VAPB: variants seen among roughly 807,000 people sequenced by gnomAD.
VAPB encodes VAMP associated protein B and C, also known as vesicle-associated membrane protein-associated protein B/C.
A neutral mutation model predicts 25.6 loss-of-function variants in VAPB; 7 were observed. The ratio of observed to expected loss-of-function variants is 0.27; its 90% confidence interval spans 0.16 to 0.51. The LOEUF is 0.51. Ranked by LOEUF, VAPB falls within the 20% of genes least tolerant of loss-of-function variation. The pLI is 0.97. For missense variants in VAPB, 266 were observed against 301.3 expected (o/e 0.88, Z 0.87); for synonymous variants, 112 against 109.2 (o/e 1.03, Z -0.16).
Position 58,447,322 on chromosome 20 carries a change from TCTC to T in VAPB, c.*3093_*3095del, listed in dbSNP as rs767248778. The T allele has an allele frequency of 4.4e-6, 2 of 454,004 alleles. No homozygotes were observed. Among genetic ancestry groups the T allele is most frequent in the Admixed American group, 2.4e-5 (1 of 42,550 alleles). The allele number at this position is 454,004 out of a possible 1,614,324, so 28.1% of individuals were successfully genotyped here. ...TGTGAGGAACTGGCTTTAACTTTTT[TCTC>T]CTCCTAGTTTGCATGTTTTCCTTCT... On this transcript the variant is annotated 3_prime_UTR_variant, in exon 6 of 6. Transcript: ENST00000475243.
At position 58,445,722 on chromosome 20, in the gene VAPB, AT is replaced by A. The variant is rs770843388; in HGVS notation, c.*1497del. On this transcript the variant is annotated 3_prime_UTR_variant, in exon 6 of 6. Coordinates refer to ENST00000475243, the MANE Select transcript of VAPB (RefSeq NM_004738.5). ...TGTGTGTGTGTGTGTGTGTGTGTGTATTTTTTTTTTGGTTGTCTTCAGCTGA... is the reference window on the plus strand; with the variant it reads ...TGTGTGTGTGTGTGTGTGTGTGTGTATTTTTTTTTGGTTGTCTTCAGCTGA... 81 of 366,320 alleles carry A rather than the reference AT, an allele frequency of 2.2e-4. No individual in the cohort carries two copies. Among genetic ancestry groups the A allele is most frequent in the African/African-American group, 4.7e-4 (17 of 36,224 alleles). 22.7% of individuals were successfully genotyped at this position (366,320 alleles called of 1,614,324 possible). A position where few individuals can be genotyped will look rare whatever the true frequency, so the allele number is the denominator to read the frequency against.
At chr20:58,407,489 G>T (rs1170763798) in intron 1 of VAPB, among the ~76,000 whole-genome samples, 1 of 152,060 alleles carries the variant, frequency 6.6e-6, no homozygotes, top group African/African-American at 2.4e-5. Context: ...AAATTTTTAA[G>T]TACAGAAAAA....
chr20:58,399,382 C>T (rs1355782350), intron 1 of VAPB, among the ~76,000 whole-genome samples: 1 of 151,992 alleles, frequency 6.6e-6, no homozygotes, highest in Non-Finnish European at 1.5e-5. Flanking sequence ...GCACCTCTTA[C>T]ATAAAGTGCA....
At chr20:58,390,918 ACT>A (rs1181711270) in intron 1 of VAPB, among the ~76,000 whole-genome samples, 3 of 152,146 alleles carry the variant, frequency 2.0e-5, no homozygotes, top group East Asian at 1.9e-4. Flanking sequence ...ATGTGAAATA[ACT>A]CTGAATTTAC....
Position 58,440,971 on chromosome 20 carries a change from C to T in VAPB, c.461C>T (p.Ser154Phe). The T allele has an allele frequency of 6.2e-7, 1 of 1,614,014 alleles. No individual in the cohort carries two copies. Among genetic ancestry groups the T allele is most frequent in the Non-Finnish European group, 8.5e-7 (1 of 1,179,972 alleles). ...TASKTETPIVSKSLSSSLDDT... is the reference protein window; with the variant it reads ...TASKTETPIVFKSLSSSLDDT... Reference sequence around the variant, plus strand: ...TCAAAGACAGAAACACCAATAGTGTCTAAGTCTCTGAGTTCTTCTTTGGAT... The same window carrying T: ...TCAAAGACAGAAACACCAATAGTGTTTAAGTCTCTGAGTTCTTCTTTGGAT... Residue 154 changes from serine (S) to phenylalanine (F), a missense_variant, in exon 5 of 6, where the codon TCT (serine) becomes TTT (phenylalanine). Physicochemically the swap from Ser to Phe is radical, Grantham distance 155 (BLOSUM62 -2). Transcript: ENST00000475243.
intron 2 of VAPB, among the ~76,000 whole-genome samples, chr20:58,429,201 C>T (rs1238080770): frequency 6.6e-6 from 1 of 151,926 alleles, no homozygotes; most frequent in Non-Finnish European, 1.5e-5. Context: ...CATAACTACC[C>T]ACCTTATACC....
chr20:58,389,720 C>G (rs908582800), intron 1 of VAPB, among the ~76,000 whole-genome samples: 40 of 152,168 alleles, frequency 2.6e-4, no homozygotes, highest in Non-Finnish European at 5.4e-4. Context: ...AGGGCTGGTG[C>G]GGGAGCCGGG....
At chr20:58,414,598 C>T (rs1988486407) in intron 1 of VAPB, among the ~76,000 whole-genome samples, 1 of 148,310 alleles carries the variant, frequency 6.7e-6, no homozygotes. Context: ...GGCGGCGGGG[C>T]AGAGGCGCTC....
In VAPB at chr20:58,448,237, G is replaced by A. The variant is rs1989343875; in HGVS notation, c.*4002G>A. ...GACATACAAATCCCATAAGGCCAAC[G>A]ACCACTCTTCTGGAACACCAAGAGC... On this transcript the variant is annotated 3_prime_UTR_variant, in exon 6 of 6. Coordinates refer to ENST00000475243, the MANE Select transcript of VAPB (RefSeq NM_004738.5). 1 of 454,000 alleles carries A rather than the reference G, an allele frequency of 2.2e-6. No individual in the cohort carries two copies. The allele number at this position is 454,000 out of a possible 1,614,324, so 28.1% of individuals were successfully genotyped here.
rs1395975727 is a variant in VAPB at position 58,446,759 on chromosome 20, A to G, written c.*2524A>G. 2.2e-6 allele frequency: 1 copy of G among 454,084 alleles called. No homozygotes were observed. The highest frequency in any genetic ancestry group is 4.4e-6 in the Non-Finnish European group (1 of 226,786). 28.1% of individuals were successfully genotyped at this position (454,084 alleles called of 1,614,324 possible). A position where few individuals can be genotyped will look rare whatever the true frequency, so the allele number is the denominator to read the frequency against. ...AGAAGGAAACTGCTCAGGAAGAGAA[A>G]CAGGTGACTGATGGGAAGGTTGATT... is the stretch of plus-strand genomic sequence containing the variant. On this transcript the variant is annotated 3_prime_UTR_variant, in exon 6 of 6. Coordinates refer to ENST00000475243, the MANE Select transcript of VAPB (RefSeq NM_004738.5).
intron 2 of VAPB, among the ~76,000 whole-genome samples, chr20:58,420,431 A>G (rs975231261): frequency 1.3e-5 from 2 of 152,208 alleles, no homozygotes; most frequent in Non-Finnish European, 2.9e-5. Context: ...TTTGGCAGAT[A>G]AAGTAAGGCA....
chr20:58,399,761 A>G (rs937893504), intron 1 of VAPB, among the ~76,000 whole-genome samples: 2 of 151,540 alleles, frequency 1.3e-5, no homozygotes, highest in Admixed American at 6.6e-5. Flanking sequence ...GTTTCCCCCT[A>G]AGAACTTCTG....
chr20:58,443,398 G>GTT (rs397773897), intron 5 of VAPB, among the ~76,000 whole-genome samples: 27,384 of 112,672 alleles, frequency 0.24, 3,857 homozygotes, highest in East Asian at 0.3. Context: ...CCACTTTTAG[G>GTT]TTTTTTTTTT....
chr20:58,411,214 T>C (rs956122062), intron 1 of VAPB, among the ~76,000 whole-genome samples: 9 of 152,252 alleles, frequency 5.9e-5, no homozygotes, highest in African/African-American at 2.2e-4. Context: ...TATTTTAGAA[T>C]TTGGCCATTC....
At chr20:58,431,345 T>G (rs1459440217) in intron 2 of VAPB, 2 of 152,224 alleles carry the variant, frequency 1.3e-5, no homozygotes, top group African/African-American at 4.8e-5. Flanking sequence ...CTGTAAGTAT[T>G]TGCAGAACCA....
intron 4 of VAPB, 51 bp from the exon 5 acceptor site, chr20:58,440,856 T>C (rs762421026): frequency 2.5e-6 from 4 of 1,579,976 alleles, no homozygotes; most frequent in Admixed American, 3.5e-5. Flanking sequence ...CATAAAAAAG[T>C]CCATTATTAC....
chr20:58,400,394 C>T lies in VAPB; in HGVS notation c.58+10877C>T, dbSNP rs180873732. Among the ~76,000 whole-genome samples, 191 of 152,288 alleles carry T rather than the reference C, an allele frequency of 1.3e-3. 1 individual carries two copies. The highest frequency in any genetic ancestry group is 4.2e-3 in the African/African-American group (174 of 41,552). ...TACTGGTACTTTGTTCCTATGGGCT[C>T]CTGAATATTTAATTAATGAAACCTC... On this transcript the variant is annotated intron_variant, in intron 1 of 5. Transcript: ENST00000475243.
chr20:58,403,070 T>A (rs1362358459), intron 1 of VAPB, among the ~76,000 whole-genome samples: 1 of 151,954 alleles, frequency 6.6e-6, no homozygotes, highest in Non-Finnish European at 1.5e-5. Flanking sequence ...TGGTGAAGAG[T>A]AATGAAGCCT....
intron 1 of VAPB, 65 bp downstream of exon 1, chr20:58,389,582 C>A: frequency 6.7e-7 from 1 of 1,493,580 alleles, no homozygotes. Flanking sequence ...AGGACGGAGC[C>A]CGGCGCGGCG....
Sources: allele counts gnomAD v4.1 joint callset (sites outside exome capture counted in the v4.1 genomes callset), GRCh38; gene constraint gnomAD v4.1.1; transcripts MANE v1.5; gene names NCBI Gene and HGNC (gene_info 2026-07-23, HGNC 2026-07-21).